The following GRID1 variants were observed in gnomAD, a reference collection of about 807,000 sequenced individuals.
The protein encoded by GRID1 is glutamate receptor ionotropic, delta-1.
Under a neutral mutation model 98.0 loss-of-function variants are expected in GRID1, and 28 were observed. The observed-to-expected ratio is 0.29, with a 90% CI of 0.21 to 0.39. GRID1 has a LOEUF of 0.39. Ranked by LOEUF, GRID1 falls within the 10% of genes least tolerant of loss-of-function variation. The pLI is 1.00. For synonymous variants in GRID1, 553 were observed against 538.5 expected (o/e 1.03, Z -0.37); for missense variants, 1,111 against 1,340.5 (o/e 0.83, Z 2.67).
chr10:85,829,953 A>C (rs930736783), intron 8 of GRID1, among the ~76,000 whole-genome samples: 3 of 152,212 alleles, frequency 2.0e-5, no homozygotes, highest in Non-Finnish European at 2.9e-5. Flanking sequence ...GAATTGGAAA[A>C]AACTATTTTA....
chr10:85,822,468 C>T (rs1475576997), intron 8 of GRID1, among the ~76,000 whole-genome samples: 1 of 152,096 alleles, frequency 6.6e-6, no homozygotes, highest in African/African-American at 2.4e-5. Flanking sequence ...CAGAGAAATG[C>T]AAATCAAAAC....
At chr10:86,207,207 T>G (rs979808443) in intron 2 of GRID1, among the ~76,000 whole-genome samples, 4 of 151,630 alleles carry the variant, frequency 2.6e-5, no homozygotes, top group Non-Finnish European at 4.4e-5. Context: ...AGGAAAAAAA[T>G]AAAAAAGAAA....
chr10:86,040,021 G>A (rs746255330), intron 4 of GRID1, among the ~76,000 whole-genome samples: 5 of 152,148 alleles, frequency 3.3e-5, no homozygotes, highest in Admixed American at 2.6e-4. Context: ...TCCACAGAAC[G>A]GGATGCAATC....
intron 12 of GRID1, among the ~76,000 whole-genome samples, chr10:85,649,821 C>T (rs534324090): frequency 2.6e-5 from 4 of 152,090 alleles, no homozygotes; most frequent in African/African-American, 9.7e-5. Context: ...TTTTAGTAGA[C>T]CTCACTGTTC....
At chr10:86,222,573 G>GA (rs1401966808) in intron 2 of GRID1, among the ~76,000 whole-genome samples, 1 of 152,122 alleles carries the variant, frequency 6.6e-6, no homozygotes, top group Non-Finnish European at 1.5e-5. Flanking sequence ...CCTGTTCACT[G>GA]AAAAATGGAG....
chr10:86,114,089 C>T (rs1331342758), intron 4 of GRID1, among the ~76,000 whole-genome samples: 1 of 150,360 alleles, frequency 6.7e-6, no homozygotes. Flanking sequence ...GGGATCATAA[C>T]CCCCTGAAGG....
At position 86,032,264 on chromosome 10, in the gene GRID1, C is replaced by T. The variant is rs144325318; in HGVS notation, c.726+106555G>A. 7.8e-3 allele frequency among the ~76,000 whole-genome samples: 1,193 copies of T among 152,122 alleles called. 20 individuals are homozygous for T. The highest frequency in any genetic ancestry group is 0.028 in the African/African-American group (1,156 of 41,484). ...CCTGGAGGTGGGGGGCGCCTCTGCC[C>T]GGCCACCCCGTCTGGGAGGTGGGGG... On this transcript the variant is annotated intron_variant, in intron 4 of 15. Coordinates refer to ENST00000327946, the MANE Select transcript of GRID1 (RefSeq NM_017551.3).
chr10:85,634,783 A>C (rs149403593), intron 13 of GRID1, among the ~76,000 whole-genome samples: 11 of 152,288 alleles, frequency 7.2e-5, no homozygotes, highest in African/African-American at 2.2e-4. Context: ...TGACATGATA[A>C]ATCAAAATTA....
chr10:85,645,920 G>T (rs1277426797), intron 13 of GRID1: 1 of 152,296 alleles, frequency 6.6e-6, no homozygotes, highest in Non-Finnish European at 1.5e-5. Flanking sequence ...AGCAAAGGGG[G>T]ACTCAGGCCT....
intron 2 of GRID1, among the ~76,000 whole-genome samples, chr10:86,343,058 C>T (rs1407992157): frequency 5.3e-5 from 8 of 152,214 alleles, no homozygotes; most frequent in Admixed American, 5.2e-4. Flanking sequence ...TTCAGCCACA[C>T]GAATGTTCTC....
At chr10:86,051,587 T>C (rs1299413946) in intron 4 of GRID1, among the ~76,000 whole-genome samples, 1 of 150,138 alleles carries the variant, frequency 6.7e-6, no homozygotes, top group Non-Finnish European at 1.5e-5. Flanking sequence ...ATAAAACCCC[T>C]GCTATAAAGA....
chr10:85,830,801 A>C (rs954587847), intron 8 of GRID1, among the ~76,000 whole-genome samples: 3 of 152,264 alleles, frequency 2.0e-5, no homozygotes, highest in African/African-American at 7.2e-5. Flanking sequence ...TTATTAAAAA[A>C]TAAAATAATA....
intron 8 of GRID1, among the ~76,000 whole-genome samples, chr10:85,821,539 A>AAAAAAAAGCAAACAAAC (rs770693495): frequency 0.014 from 1,328 of 97,566 alleles, 201 homozygotes; most frequent in African/African-American, 0.034. Context: ...AAAAAAAAAA[A>AAAAAAAAGCAAACAAAC]AAAAAAGAAA....
chr10:86,170,787 G>A (rs568366713), intron 3 of GRID1, among the ~76,000 whole-genome samples: 1 of 152,350 alleles, frequency 6.6e-6, no homozygotes, highest in South Asian at 2.1e-4. Context: ...CAGGAGTGAA[G>A]CTATTTGGGG....
chr10:85,995,084 A>AAAG (rs1842724839), intron 4 of GRID1, among the ~76,000 whole-genome samples: 1 of 152,212 alleles, frequency 6.6e-6, no homozygotes, highest in South Asian at 2.1e-4. Context: ...TTTTATGTTA[A>AAAG]AAGTTATTTT....
chr10:85,718,569 G>A (rs1038801567), intron 12 of GRID1, among the ~76,000 whole-genome samples: 6 of 152,256 alleles, frequency 3.9e-5, no homozygotes, highest in African/African-American at 1.4e-4. Context: ...AACACCACGT[G>A]AAAGCTGCCA....
At chr10:86,212,038 G>A (rs1846114461) in intron 2 of GRID1, among the ~76,000 whole-genome samples, 1 of 152,186 alleles carries the variant, frequency 6.6e-6, no homozygotes, top group African/African-American at 2.4e-5. Flanking sequence ...TGAGAAAGGT[G>A]CCCTCAGACA....
chr10:86,037,293 C>T (rs1250020982), intron 4 of GRID1, among the ~76,000 whole-genome samples: 5 of 152,282 alleles, frequency 3.3e-5, no homozygotes, highest in African/African-American at 4.8e-5. Flanking sequence ...AATAAGGGAA[C>T]ATCCGGGCCT....
intron 4 of GRID1, among the ~76,000 whole-genome samples, chr10:86,062,911 G>A (rs750720243): frequency 6.6e-6 from 1 of 152,226 alleles, no homozygotes; most frequent in Non-Finnish European, 1.5e-5. Flanking sequence ...GCTCACTGGG[G>A]ACAGATCAAC....
Sources: gnomAD v4.1 joint callset for allele counts (sites outside exome capture counted in the v4.1 genomes callset) on GRCh38, gnomAD v4.1.1 for gene constraint, MANE v1.5 for transcripts, NCBI Gene and HGNC (gene_info 2026-07-23, HGNC 2026-07-21) for gene names.